Variants in DNAH14 observed in about 807,000 individuals in gnomAD.
DNAH14 encodes axonemal beta dynein heavy chain 14.
A neutral mutation model predicts 520.9 loss-of-function variants in DNAH14; 478 were observed. The observed-to-expected ratio is 0.92, with a 90% CI of 0.85 to 0.99. The LOEUF is 0.99. Among genes scored for constraint, DNAH14 ranks in the 50% least tolerant of loss-of-function variants. The probability of loss-of-function intolerance (pLI) is 0.00; values close to 1 mark genes in which losing one functional copy is unlikely to be tolerated. For missense variants in DNAH14, 4,831 were observed against 5,234.5 expected, an observed-to-expected ratio of 0.92 and a Z score of 2.38; for synonymous variants, 1,581 against 1,757.2, an observed-to-expected ratio of 0.90 and a Z score of 2.51.
At chr1:225,322,085 C>CTTT (rs3047035) in intron 61 of DNAH14, among the ~76,000 whole-genome samples, 1,123 of 90,110 alleles carry the variant, frequency 0.012, 54 homozygotes, top group Admixed American at 0.021. Context: ...TTTTTTCTTT[C>CTTT]TTTTTTTTTT....
chr1:224,992,210 C>T (rs2063107227), intron 8 of DNAH14, among the ~76,000 whole-genome samples: 1 of 151,896 alleles, frequency 6.6e-6, no homozygotes, highest in East Asian at 1.9e-4. Context: ...CCATAATTGC[C>T]TTGACTATTC....
intron 75 of DNAH14, among the ~76,000 whole-genome samples, chr1:225,361,764 A>G (rs918757435): frequency 6.6e-6 from 1 of 152,236 alleles, no homozygotes; most frequent in African/African-American, 2.4e-5. Context: ...TCACGCCTAT[A>G]GTCCCAATGC....
At chr1:225,182,243 A>G (rs2084121981) in intron 36 of DNAH14, among the ~76,000 whole-genome samples, 1 of 152,156 alleles carries the variant, frequency 6.6e-6, no homozygotes, top group Non-Finnish European at 1.5e-5. Flanking sequence ...AACCTTATTA[A>G]ATGTGGACAC....
rs555888121 is a variant in DNAH14, at chr1:225,330,737, C to T, written c.9724-700C>T. Reference sequence around the variant, plus strand: ...TAGAAAGAATGAATAAGACCTAGTACGTGATAGCACAACAGGGTGATTGTA... The same window carrying T: ...TAGAAAGAATGAATAAGACCTAGTATGTGATAGCACAACAGGGTGATTGTA... On this transcript the variant is annotated intron_variant, in intron 64 of 85. Coordinates refer to ENST00000682510, the MANE Select transcript of DNAH14 (RefSeq NM_001367479.1). Among the ~76,000 whole-genome samples the T allele has an allele frequency of 2.6e-5, 4 of 152,176 alleles. No individual in the cohort carries two copies. The South Asian group carries it at 6.2e-4, about 24-fold the overall frequency.
rs1156522895 is a variant in DNAH14, at chr1:225,259,132, G to A, written c.7036G>A (p.Val2346Ile). The change falls in exon 46 of 86, where the codon GTT becomes ATT. Residue 2346 changes from valine to isoleucine, a missense_variant. Val to Ile is a conservative substitution (Grantham distance 29). Coordinates refer to ENST00000682510, the MANE Select transcript of DNAH14 (RefSeq NM_001367479.1). ...ATTTTTTCCCTTAGGAGAATCTGGT[G>A]TTGGGAAAACTGCTGCCATTAATCA... ...CPVLLTGESG[V>I]GKTAAINQML... The A allele has an allele frequency of 1.3e-6, 2 of 1,542,520 alleles. No individual in the cohort carries two copies. The highest frequency in any genetic ancestry group is 1.2e-5 in the South Asian group (1 of 81,982).
intron 23 of DNAH14, among the ~76,000 whole-genome samples, chr1:225,102,133 A>G (rs2075537572): frequency 6.8e-6 from 1 of 147,818 alleles, no homozygotes; most frequent in Non-Finnish European, 1.5e-5. Context: ...GAGTGAGAAC[A>G]TGCGGTGTTT....
intron 60 of DNAH14, among the ~76,000 whole-genome samples, chr1:225,311,022 C>T (rs1158659049): frequency 6.6e-6 from 1 of 152,190 alleles, no homozygotes; most frequent in Non-Finnish European, 1.5e-5. Flanking sequence ...GGAATTCCCA[C>T]ACTGTCTTCC....
intron 28 of DNAH14, among the ~76,000 whole-genome samples, chr1:225,143,307 T>A (rs529542489): frequency 1.3e-5 from 2 of 152,186 alleles, no homozygotes; most frequent in Non-Finnish European, 2.9e-5. Context: ...AAAAAAACAT[T>A]TTCTTCCACA....
chr1:225,275,459 G>A (rs2093443694), intron 52 of DNAH14, among the ~76,000 whole-genome samples: 1 of 152,320 alleles, frequency 6.6e-6, no homozygotes, highest in Non-Finnish European at 1.5e-5. Flanking sequence ...GGTAGCCCAT[G>A]ACCTTGGTGT....
chr1:225,289,849 A>G, intron 54 of DNAH14, 36 bp from the exon 55 acceptor site: 2 of 1,261,396 alleles, frequency 1.6e-6, no homozygotes, highest in Non-Finnish European at 2.0e-6. Context: ...TTCCCAGAAA[A>G]TGTATGTCAT....
intron 27 of DNAH14, among the ~76,000 whole-genome samples, chr1:225,129,758 G>C (rs1043561753): frequency 1.2e-4 from 18 of 151,972 alleles, no homozygotes; most frequent in African/African-American, 3.1e-4. Context: ...ATAGGCATGG[G>C]CAAGGACTTC....
intron 73 of DNAH14, among the ~76,000 whole-genome samples, chr1:225,355,963 T>A (rs890288825): frequency 1.3e-5 from 2 of 152,192 alleles, no homozygotes; most frequent in African/African-American, 4.8e-5. Flanking sequence ...ATCATGCTTA[T>A]GTCTGGCTTA....
chr1:225,222,205 G>A (rs1442295732), intron 41 of DNAH14, among the ~76,000 whole-genome samples: 1 of 152,182 alleles, frequency 6.6e-6, no homozygotes, highest in East Asian at 1.9e-4. Flanking sequence ...AGACTGCGCT[G>A]TCAGTAAGTC....
At chr1:225,241,212 A>C (rs1042230255) in intron 43 of DNAH14, among the ~76,000 whole-genome samples, 1 of 152,088 alleles carries the variant, frequency 6.6e-6, no homozygotes, top group African/African-American at 2.4e-5. Context: ...ATAAAGCCTT[A>C]GATTTCCTTA....
chr1:225,119,529 AC>A (rs572052517), intron 26 of DNAH14, among the ~76,000 whole-genome samples: 3 of 152,182 alleles, frequency 2.0e-5, no homozygotes, highest in Non-Finnish European at 2.9e-5. Context: ...GAGAGTGTTT[AC>A]ATGCACAACC....
At chr1:225,252,555 C>A (rs2092595247) in intron 44 of DNAH14, 138 bp downstream of exon 44, 1 of 527,230 alleles carries the variant, frequency 1.9e-6, no homozygotes, top group East Asian at 3.2e-5. Context: ...GTGTAGAGAC[C>A]AGTTTAGATC....
intron 3 of DNAH14, among the ~76,000 whole-genome samples, chr1:224,959,952 T>TA (rs557559294): frequency 5.4e-4 from 82 of 152,276 alleles, no homozygotes; most frequent in Non-Finnish European, 9.6e-4. Flanking sequence ...ATAGGTAACT[T>TA]ACAAAGTAAA....
At chr1:225,297,787 AC>A (rs2094043159) in intron 55 of DNAH14, among the ~76,000 whole-genome samples, 1 of 152,166 alleles carries the variant, frequency 6.6e-6, no homozygotes, top group Non-Finnish European at 1.5e-5. Flanking sequence ...GATCTGGCTC[AC>A]TTGGTTTGGG....
rs545879634 is a variant in DNAH14 at position 225,280,598 on chromosome 1, C to CA, written c.8271+3107dup. 2.5e-3 allele frequency among the ~76,000 whole-genome samples: 312 copies of CA among 125,194 alleles called. 1 individual carries two copies. The highest frequency in any genetic ancestry group is 7.3e-3 in the African/African-American group (238 of 32,408). The allele number at this position is 125,194 out of a possible 152,430, so 82.1% of individuals were successfully genotyped here. ...TGGGTGACAAAGTGAGAGTCCATCT[C>CA]AAAAAAAAAAAGAAAGAAAAAAAGA... On this transcript the variant is annotated intron_variant, in intron 54 of 85. Transcript: ENST00000682510.
Sources: gnomAD v4.1 joint callset for allele counts (sites outside exome capture counted in the v4.1 genomes callset) on GRCh38, gnomAD v4.1.1 for gene constraint, MANE v1.5 for transcripts, NCBI Gene and HGNC (gene_info 2026-07-23, HGNC 2026-07-21) for gene names.